Variants in TENM4 observed in about 807,000 individuals in gnomAD.
TENM4 encodes the protein teneurin-4.
In TENM4, 82 loss-of-function variants were observed where a neutral mutation model predicts 243.3. The observed-to-expected ratio is 0.34, with a 90% CI of 0.28 to 0.40. The LOEUF (loss-of-function observed/expected upper bound fraction) is 0.40, where lower values mean the gene tolerates loss of function less well. TENM4 is among the 10% of genes least tolerant of loss of function. TENM4 has a pLI of 1.00. For missense variants in TENM4, 3,138 were observed against 3,673.3 expected (o/e 0.85, Z 3.77); for synonymous variants, 1,412 against 1,456.3 (o/e 0.97, Z 0.69).
At chr11:78,894,049 GT>G (rs1406768467) in intron 7 of TENM4, among the ~76,000 whole-genome samples, 2 of 152,196 alleles carry the variant, frequency 1.3e-5, no homozygotes, top group Non-Finnish European at 2.9e-5. Context: ...CAATAAATAT[GT>G]GCTGAATACT....
intron 5 of TENM4, among the ~76,000 whole-genome samples, chr11:79,067,234 G>A (rs945298243): frequency 6.6e-6 from 1 of 152,132 alleles, no homozygotes; most frequent in Non-Finnish European, 1.5e-5. Context: ...CCACTCCTCC[G>A]TGCCCTACTC....
At chr11:79,018,422 T>A (rs958326053) in intron 6 of TENM4, among the ~76,000 whole-genome samples, 13 of 152,108 alleles carry the variant, frequency 8.5e-5, no homozygotes, top group African/African-American at 3.1e-4. Context: ...TCCTGTCCAC[T>A]ATCTCCAGAA....
chr11:78,715,334 T>A (rs1016382228), intron 25 of TENM4, among the ~76,000 whole-genome samples: 1 of 152,198 alleles, frequency 6.6e-6, no homozygotes, highest in Non-Finnish European at 1.5e-5. Flanking sequence ...GTGATTTTTT[T>A]CATTTCTTTG....
At chr11:78,979,551 G>A (rs1857744081) in intron 6 of TENM4, among the ~76,000 whole-genome samples, 1 of 152,038 alleles carries the variant, frequency 6.6e-6, no homozygotes, top group South Asian at 2.1e-4. Flanking sequence ...CATATGTGTT[G>A]TACATGCACA....
intron 2 of TENM4, among the ~76,000 whole-genome samples, chr11:79,236,075 G>T (rs1385697820): frequency 6.6e-6 from 1 of 152,150 alleles, no homozygotes; most frequent in South Asian, 2.1e-4. Flanking sequence ...GATACTCAGG[G>T]TTCACGGTCC....
intron 4 of TENM4, among the ~76,000 whole-genome samples, chr11:79,109,624 A>C (rs530545820): frequency 6.6e-6 from 1 of 152,354 alleles, no homozygotes; most frequent in East Asian, 1.9e-4. Context: ...CTCTAAGCTT[A>C]TGTTCCTGCA....
intron 6 of TENM4, among the ~76,000 whole-genome samples, chr11:78,938,389 T>C (rs181211252): frequency 9.5e-4 from 145 of 152,296 alleles, no homozygotes; most frequent in Non-Finnish European, 1.4e-3. Context: ...ATGATAATCA[T>C]CATTTACCAC....
At chr11:78,833,497 C>T (rs1351731298) in intron 12 of TENM4, among the ~76,000 whole-genome samples, 1 of 152,190 alleles carries the variant, frequency 6.6e-6, no homozygotes, top group African/African-American at 2.4e-5. Flanking sequence ...TAGACTTTCC[C>T]GCATGGTCAA....
intron 6 of TENM4, among the ~76,000 whole-genome samples, chr11:78,942,812 A>C (rs1440560085): frequency 8.7e-6 from 1 of 115,132 alleles, no homozygotes; most frequent in Non-Finnish European, 1.9e-5. Flanking sequence ...TTCATGACAG[A>C]CAAAAAAAAA....
intron 2 of TENM4, among the ~76,000 whole-genome samples, chr11:79,219,412 T>A (rs974838299): frequency 6.6e-6 from 1 of 152,164 alleles, no homozygotes; most frequent in African/African-American, 2.4e-5. Context: ...GGAAGATGAA[T>A]GTGGCAAGCC....
chr11:79,402,780 C>G (rs1007593161), intron 1 of TENM4, among the ~76,000 whole-genome samples: 3 of 152,222 alleles, frequency 2.0e-5, no homozygotes, highest in African/African-American at 7.2e-5. Context: ...TGGGATTCTC[C>G]AAGGCTTCTG....
chr11:79,261,963 G>A (rs1002688116), intron 2 of TENM4, among the ~76,000 whole-genome samples: 3 of 152,192 alleles, frequency 2.0e-5, no homozygotes, highest in Non-Finnish European at 2.9e-5. Flanking sequence ...GGAGGAACAT[G>A]AGATCACAGC....
chr11:79,173,157 A>G (rs1386870197), intron 3 of TENM4, among the ~76,000 whole-genome samples: 2 of 152,184 alleles, frequency 1.3e-5, no homozygotes, highest in Non-Finnish European at 2.9e-5. Context: ...GTCGACATGT[A>G]TTTATTGAGT....
rs78853560 is a variant in TENM4 at position 79,024,641 on chromosome 11, T to G, written c.493+40097A>C. ...AAGGTGAGTGGATTGAGAGTATTGCTTCTTTTGCATCCTCCATAGACTCTA... is the reference window on the plus strand; with the variant it reads ...AAGGTGAGTGGATTGAGAGTATTGCGTCTTTTGCATCCTCCATAGACTCTA... On this transcript the variant is annotated intron_variant, in intron 6 of 33. Coordinates refer to ENST00000278550, the MANE Select transcript of TENM4 (RefSeq NM_001098816.3). Among the ~76,000 whole-genome samples, 4 of 152,356 alleles carry G rather than the reference T, an allele frequency of 2.6e-5. No individual in the cohort carries two copies. The East Asian group carries it at 7.7e-4, about 29-fold the overall frequency.
At chr11:79,321,662 A>G (rs12573916) in intron 1 of TENM4, among the ~76,000 whole-genome samples, 25,193 of 145,760 alleles carry the variant, frequency 0.17, 2,383 homozygotes, top group Middle Eastern at 0.26. Context: ...AAAAAAAAAA[A>G]AAGGGAGAGA....
intron 3 of TENM4, among the ~76,000 whole-genome samples, chr11:79,208,148 C>T (rs921152243): frequency 1.3e-5 from 2 of 152,140 alleles, no homozygotes; most frequent in Non-Finnish European, 2.9e-5. Flanking sequence ...CACGGGTCAT[C>T]GGCATCTCAA....
At chr11:78,677,448 G>A (rs1858507703) in intron 29 of TENM4, among the ~76,000 whole-genome samples, 1 of 151,820 alleles carries the variant, frequency 6.6e-6, no homozygotes, top group African/African-American at 2.4e-5. Context: ...TAGAGACCAG[G>A]TTTCAATATT....
intron 6 of TENM4, among the ~76,000 whole-genome samples, chr11:78,926,677 G>GTTTTTTTTTTT (rs754243078): frequency 7.9e-6 from 1 of 127,296 alleles, no homozygotes; most frequent in Non-Finnish European, 1.7e-5. Flanking sequence ...GGTGTTTTTT[G>GTTTTTTTTTTT]TTTTTTTTTT....
chr11:78,904,899 A>G (rs560496917), intron 6 of TENM4, among the ~76,000 whole-genome samples: 2 of 152,236 alleles, frequency 1.3e-5, no homozygotes, highest in Non-Finnish European at 2.9e-5. Flanking sequence ...CATCTAAGCT[A>G]TGCTCACAGA....
Sources: gnomAD v4.1 joint callset for allele counts (sites outside exome capture counted in the v4.1 genomes callset) on GRCh38, gnomAD v4.1.1 for gene constraint, MANE v1.5 for transcripts, NCBI Gene and HGNC (gene_info 2026-07-23, HGNC 2026-07-21) for gene names.